The following UBE2E1 variants were observed in gnomAD, a reference collection of about 807,000 sequenced individuals.
UBE2E1 encodes the protein ubiquitin-conjugating enzyme E2 E1.
In UBE2E1, 6 loss-of-function variants were observed where a neutral mutation model predicts 21.4. That is an observed-to-expected ratio of 0.28 (90% confidence interval 0.15 to 0.55). UBE2E1 has a LOEUF of 0.55. Ranked by LOEUF, UBE2E1 falls within the 20% of genes least tolerant of loss-of-function variation. UBE2E1 has a pLI of 0.93. For missense variants in UBE2E1, 142 were observed against 236.5 expected (o/e 0.60, Z 2.62); for synonymous variants, 87 against 82.7 (o/e 1.05, Z -0.28).
chr3:23,834,503 T>A (rs186897039), intron 3 of UBE2E1, among the ~76,000 whole-genome samples: 2 of 152,352 alleles, frequency 1.3e-5, no homozygotes, highest in Admixed American at 1.3e-4. Context: ...TCCTTCCTCC[T>A]GTGCTTTTTC....
At chr3:23,867,627 C>A (rs2125317324) in intron 3 of UBE2E1, among the ~76,000 whole-genome samples, 1 of 152,270 alleles carries the variant, frequency 6.6e-6, no homozygotes, top group East Asian at 1.9e-4. Flanking sequence ...TGTCTCATTT[C>A]AAAATCAGAT....
At chr3:23,815,764 T>G (rs563725086) in intron 3 of UBE2E1, among the ~76,000 whole-genome samples, 133 of 152,358 alleles carry the variant, frequency 8.7e-4, no homozygotes, top group African/African-American at 3.1e-3. Flanking sequence ...TATAAAACCC[T>G]GTATCTTATG....
intron 3 of UBE2E1, among the ~76,000 whole-genome samples, chr3:23,818,790 T>C (rs895188182): frequency 6.6e-6 from 1 of 152,112 alleles, no homozygotes; most frequent in African/African-American, 2.4e-5. Context: ...AGGAAAGAAT[T>C]GTGCTCTGAA....
chr3:23,869,787 T>G (rs1374515145), intron 3 of UBE2E1, among the ~76,000 whole-genome samples: 2 of 149,736 alleles, frequency 1.3e-5, no homozygotes, highest in Non-Finnish European at 3.0e-5. Context: ...CAGGGAAAAT[T>G]GCCTGTGTGG....
At chr3:23,889,843 G>T in intron 5 of UBE2E1, 1 of 760,220 alleles carries the variant, frequency 1.3e-6, no homozygotes, top group Non-Finnish European at 1.6e-6. Context: ...TGAGCCATGA[G>T]CATGTCACTG....
At chr3:23,869,011 A>T (rs1700718980) in intron 3 of UBE2E1, among the ~76,000 whole-genome samples, 1 of 152,144 alleles carries the variant, frequency 6.6e-6, no homozygotes, top group South Asian at 2.1e-4. Context: ...TTTTTTCATC[A>T]TATATAAGTA....
Position 23,806,487 on chromosome 3 carries a change from A to C in UBE2E1, c.-34+399A>C, listed in dbSNP as rs936837494. Among the ~76,000 whole-genome samples the C allele has an allele frequency of 1.1e-3, 173 of 151,544 alleles. No individual in the cohort carries two copies. The highest frequency in any genetic ancestry group is 1.8e-3 in the Non-Finnish European group (121 of 67,738). ...CTCCGGGGCGGAAGGGCTCATTGTT[A>C]TGTCTTCGCTGCGGAGGCCGACCCC... On this transcript the variant is annotated intron_variant, in intron 1 of 5. Coordinates refer to ENST00000306627, the MANE Select transcript of UBE2E1 (RefSeq NM_003341.5). The surrounding 1 kb of genome is among the most constrained non-coding windows in gnomAD (Gnocchi z 6.5).
rs1213700528 is a variant in UBE2E1, at chr3:23,891,308, T to G, written c.*702T>G. Reference sequence around the variant, plus strand: ...CTAATAAACAATATTAAAAACCACCTAATAAACACTGCTGTGTTCATTTAC... The same window carrying G: ...CTAATAAACAATATTAAAAACCACCGAATAAACACTGCTGTGTTCATTTAC... On this transcript the variant is annotated 3_prime_UTR_variant, in exon 6 of 6. Coordinates refer to ENST00000306627, the MANE Select transcript of UBE2E1 (RefSeq NM_003341.5). 2.0e-5 allele frequency: 3 copies of G among 152,212 alleles called. No individual in the cohort carries two copies. The highest frequency in any genetic ancestry group is 7.2e-5 in the African/African-American group (3 of 41,446). The allele number at this position is 152,212 out of a possible 1,614,324, so 9.4% of individuals were successfully genotyped here.
intron 3 of UBE2E1, among the ~76,000 whole-genome samples, chr3:23,852,559 C>G (rs927639482): frequency 2.6e-5 from 4 of 152,114 alleles, no homozygotes; most frequent in African/African-American, 9.7e-5. Context: ...AAATACAGAT[C>G]GTGTTACTTC....
At chr3:23,807,506 C>T in intron 2 of UBE2E1, 85 bp downstream of exon 2, 2 of 1,508,798 alleles carry the variant, frequency 1.3e-6, no homozygotes, top group Admixed American at 2.1e-5. Flanking sequence ...ATGAGGATAG[C>T]TTAAACGCTC....
At chr3:23,828,029 C>T (rs1245159482) in intron 3 of UBE2E1, among the ~76,000 whole-genome samples, 2 of 152,194 alleles carry the variant, frequency 1.3e-5, no homozygotes, top group Non-Finnish European at 2.9e-5. Context: ...ACACAGCTCT[C>T]ATCTGTGTCC....
intron 4 of UBE2E1, 129 bp from the exon 5 acceptor site, chr3:23,888,983 T>TTATTGTC: frequency 1.1e-6 from 1 of 929,834 alleles, no homozygotes; most frequent in Non-Finnish European, 1.5e-6. Context: ...CTAATCAAAT[T>TTATTGTC]TATTGTCTAT....
intron 3 of UBE2E1, among the ~76,000 whole-genome samples, chr3:23,875,178 G>A (rs181873711): frequency 2.1e-3 from 317 of 152,302 alleles, no homozygotes; most frequent in Non-Finnish European, 3.1e-3. Flanking sequence ...TAGAGCAGCA[G>A]CATATACAGT....
rs115996277 is a variant in UBE2E1 at position 23,887,582 on chromosome 3, C to T, written c.219C>T (p.Gly73=). 14,923 of 1,611,076 alleles carry T rather than the reference C, an allele frequency of 9.3e-3. 83 individuals carry two copies. The highest frequency in any genetic ancestry group is 0.012 in the Non-Finnish European group (13,657 of 1,179,260). ...TTATTCACAGTGCTGGTCCCAAAGG[C>T]GATAACATCTATGAATGGAGATCAA... ...PPPNCSAGPK[G]DNIYEWRSTI... Residue 73 remains glycine, a synonymous_variant, in exon 4 of 6, where the codon GGC becomes GGT. Transcript: ENST00000306627. This position sits in a 1 kb window ranked among gnomAD's most constrained non-coding sequence, Gnocchi z 4.4.
At chr3:23,841,533 A>G (rs1173822098) in intron 3 of UBE2E1, among the ~76,000 whole-genome samples, 1 of 152,224 alleles carries the variant, frequency 6.6e-6, no homozygotes, top group East Asian at 1.9e-4. Context: ...TAATGGCCGC[A>G]TTGTTAGAGA....
chr3:23,821,967 G>A lies in UBE2E1; in HGVS notation c.203+10457G>A, dbSNP rs531220718. 3.9e-5 allele frequency among the ~76,000 whole-genome samples: 6 copies of A among 152,294 alleles called. No individual in the cohort carries two copies. In the East Asian group the frequency reaches 7.7e-4, roughly 20 times the overall value. Reference sequence around the variant, plus strand: ...AGAGGCTCTTGGGTGTCTTGGGAATGCCTTTCTCTCTCCTAGAAAGGAAAG... The same window carrying A: ...AGAGGCTCTTGGGTGTCTTGGGAATACCTTTCTCTCTCCTAGAAAGGAAAG... On this transcript the variant is annotated intron_variant, in intron 3 of 5. Coordinates refer to ENST00000306627, the MANE Select transcript of UBE2E1 (RefSeq NM_003341.5).
rs931529717 is a variant in UBE2E1, at chr3:23,816,167, C to T, written c.203+4657C>T. Among the ~76,000 whole-genome samples, 4 of 152,284 alleles carry T rather than the reference C, an allele frequency of 2.6e-5. No individual in the cohort carries two copies. The highest frequency in any genetic ancestry group is 9.6e-5 in the African/African-American group (4 of 41,542). On this transcript the variant is annotated intron_variant, in intron 3 of 5. Coordinates refer to ENST00000306627, the MANE Select transcript of UBE2E1 (RefSeq NM_003341.5). This position sits in a 1 kb window ranked among gnomAD's most constrained non-coding sequence, Gnocchi z 4.8. ...TTCCTCAGAAAGCTAAACAGAATTACCGTATGACCCAGTAATTTTACTGCT... is the reference window on the plus strand; with the variant it reads ...TTCCTCAGAAAGCTAAACAGAATTATCGTATGACCCAGTAATTTTACTGCT...
intron 3 of UBE2E1, among the ~76,000 whole-genome samples, chr3:23,860,908 T>A (rs1700542111): frequency 6.6e-6 from 1 of 152,226 alleles, no homozygotes; most frequent in South Asian, 2.1e-4. Context: ...TTTGATTGTT[T>A]TTCGAAATGT....
chr3:23,881,995 C>A (rs1701054744), intron 3 of UBE2E1, among the ~76,000 whole-genome samples: 2 of 151,744 alleles, frequency 1.3e-5, no homozygotes, highest in South Asian at 4.2e-4. Context: ...TTTTGCTGGC[C>A]TCAGGAGTGA....
Sources: allele counts gnomAD v4.1 joint callset (sites outside exome capture counted in the v4.1 genomes callset), GRCh38; gene constraint gnomAD v4.1.1; non-coding constraint Gnocchi (gnomAD v3.1); transcripts MANE v1.5; gene names NCBI Gene and HGNC (gene_info 2026-07-23, HGNC 2026-07-21).